CTNNA3: variants seen among roughly 807,000 people sequenced by gnomAD.
CTNNA3 encodes the protein catenin alpha-3.
Under a neutral mutation model 95.7 loss-of-function variants are expected in CTNNA3, and 76 were observed. The ratio of observed to expected loss-of-function variants is 0.79; its 90% confidence interval spans 0.66 to 0.96. The LOEUF (loss-of-function observed/expected upper bound fraction) is 0.96. Among genes scored for constraint, CTNNA3 ranks in the 40% least tolerant of loss-of-function variants. The pLI is 0.00. For synonymous variants in CTNNA3, 431 were observed against 374.4 expected, an observed-to-expected ratio of 1.15 and a Z score of -1.74; for missense variants, 1,191 against 1,089.8, an observed-to-expected ratio of 1.09 and a Z score of -1.31.
At chr10:66,292,976 C>T (rs2091710365) in intron 12 of CTNNA3, among the ~76,000 whole-genome samples, 1 of 152,128 alleles carries the variant, frequency 6.6e-6, no homozygotes, top group African/African-American at 2.4e-5. Flanking sequence ...CTACCTCCTT[C>T]TATCCTTCTA....
At chr10:67,100,030 G>T (rs1589738524) in intron 7 of CTNNA3, among the ~76,000 whole-genome samples, 1 of 151,736 alleles carries the variant, frequency 6.6e-6, no homozygotes, top group African/African-American at 2.4e-5. Context: ...AGAAAAAGAA[G>T]AATTAATTTG....
intron 13 of CTNNA3, among the ~76,000 whole-genome samples, chr10:66,159,603 T>C (rs977284037): frequency 4.0e-5 from 6 of 150,868 alleles, no homozygotes; most frequent in African/African-American, 1.5e-4. Flanking sequence ...TCAAAGATAT[T>C]GGTCTTTAGT....
In CTNNA3 at chr10:65,936,257, AT is replaced by A. The variant is rs2077335759; in HGVS notation, c.2401-15641del. Among the ~76,000 whole-genome samples the A allele has an allele frequency of 2.0e-5, 3 of 152,282 alleles. No individual in the cohort carries two copies. The South Asian group carries it at 6.2e-4, about 32-fold the overall frequency. On this transcript the variant is annotated intron_variant, in intron 17 of 17. Coordinates refer to ENST00000433211, the MANE Select transcript of CTNNA3 (RefSeq NM_013266.4). ...CTTAAGTTAACTTTTAGTATCTGGT[AT>A]TAATGTAGTTAGGTGCAAAAGAGTT...
intron 12 of CTNNA3, among the ~76,000 whole-genome samples, chr10:66,299,226 T>C (rs1364436261): frequency 2.0e-5 from 3 of 152,194 alleles, no homozygotes; most frequent in African/African-American, 7.2e-5. Context: ...CTTAGATGCA[T>C]GTCATTAGGA....
chr10:66,855,976 T>C (rs1292447078), intron 7 of CTNNA3, among the ~76,000 whole-genome samples: 1 of 151,986 alleles, frequency 6.6e-6, no homozygotes, highest in East Asian at 1.9e-4. Context: ...TGCAGGTTTG[T>C]TATGTGAATA....
At chr10:66,982,761 A>T (rs1850513128) in intron 7 of CTNNA3, among the ~76,000 whole-genome samples, 1 of 152,234 alleles carries the variant, frequency 6.6e-6, no homozygotes, top group Non-Finnish European at 1.5e-5. Context: ...AAAAGTAGCA[A>T]ATAGATTAAA....
chr10:66,477,239 A>G (rs1444464161), intron 11 of CTNNA3, among the ~76,000 whole-genome samples: 2 of 152,272 alleles, frequency 1.3e-5, no homozygotes, highest in East Asian at 3.9e-4. Context: ...CATTTCAACT[A>G]AAATGGCATT....
chr10:67,065,514 T>C (rs1856021317), intron 7 of CTNNA3, among the ~76,000 whole-genome samples: 1 of 152,152 alleles, frequency 6.6e-6, no homozygotes. Flanking sequence ...CCACATCTGT[T>C]CCATCTTCTT....
intron 5 of CTNNA3, among the ~76,000 whole-genome samples, chr10:67,518,937 C>T (rs1296814182): frequency 6.6e-6 from 1 of 152,114 alleles, no homozygotes; most frequent in Non-Finnish European, 1.5e-5. Flanking sequence ...GTTAATCCTG[C>T]TTTGTCATCC....
intron 5 of CTNNA3, among the ~76,000 whole-genome samples, chr10:67,312,802 T>A (rs919867495): frequency 6.6e-6 from 1 of 152,194 alleles, no homozygotes; most frequent in Admixed American, 6.5e-5. Flanking sequence ...CTGGCCTGAA[T>A]CATGGAGGGT....
chr10:66,977,967 T>A (rs556465747), intron 7 of CTNNA3, among the ~76,000 whole-genome samples: 1 of 152,134 alleles, frequency 6.6e-6, no homozygotes, highest in Non-Finnish European at 1.5e-5. Context: ...TAGTCAAACT[T>A]TTATTCCTAA....
At chr10:66,984,495 G>A (rs1850618611) in intron 7 of CTNNA3, among the ~76,000 whole-genome samples, 1 of 152,132 alleles carries the variant, frequency 6.6e-6, no homozygotes, top group Non-Finnish European at 1.5e-5. Context: ...TAAAATCTGT[G>A]TTTCTTAGGA....
At chr10:66,813,831 C>T (rs1283660833) in intron 7 of CTNNA3, among the ~76,000 whole-genome samples, 2 of 92,550 alleles carry the variant, frequency 2.2e-5, no homozygotes, top group Non-Finnish European at 4.1e-5. Flanking sequence ...GGGGGAAGGG[C>T]GTGTGTGTGT....
At chr10:67,086,159 T>C (rs1857296897) in intron 7 of CTNNA3, among the ~76,000 whole-genome samples, 1 of 152,032 alleles carries the variant, frequency 6.6e-6, no homozygotes, top group African/African-American at 2.4e-5. Flanking sequence ...AGAAACAGTA[T>C]ATTTTTTTTC....
intron 16 of CTNNA3, among the ~76,000 whole-genome samples, chr10:65,970,667 T>C (rs2078077071): frequency 6.7e-6 from 1 of 148,222 alleles, no homozygotes; most frequent in African/African-American, 2.4e-5. Flanking sequence ...ATATTTAAAA[T>C]ATAATATATA....
At chr10:67,237,131 T>TAC (rs1865512391) in intron 5 of CTNNA3, among the ~76,000 whole-genome samples, 1 of 32,748 alleles carries the variant, frequency 3.1e-5, no homozygotes, top group Admixed American at 2.3e-4. Flanking sequence ...TGTATGTATA[T>TAC]ATATATATAT....
chr10:67,463,894 T>C (rs1489495221), intron 5 of CTNNA3, among the ~76,000 whole-genome samples: 5 of 152,176 alleles, frequency 3.3e-5, no homozygotes, highest in Admixed American at 2.0e-4. Context: ...AGGCTGTCAA[T>C]TGCCAATTCC....
chr10:66,554,478 A>G (rs377502005), intron 10 of CTNNA3, among the ~76,000 whole-genome samples: 4 of 152,152 alleles, frequency 2.6e-5, no homozygotes, highest in African/African-American at 9.6e-5. Context: ...AGAGATTCCA[A>G]TGGCAAATAT....
intron 9 of CTNNA3, among the ~76,000 whole-genome samples, chr10:66,752,999 TG>T (rs1839214212): frequency 6.6e-6 from 1 of 152,180 alleles, no homozygotes; most frequent in Non-Finnish European, 1.5e-5. Flanking sequence ...ACCTGTTCAC[TG>T]TAAGTTTTCC....
Sources: gnomAD v4.1 joint callset for allele counts (sites outside exome capture counted in the v4.1 genomes callset) on GRCh38, gnomAD v4.1.1 for gene constraint, MANE v1.5 for transcripts, NCBI Gene and HGNC (gene_info 2026-07-23, HGNC 2026-07-21) for gene names.